EIF2B5: variants seen among roughly 807,000 people sequenced by gnomAD.
EIF2B5 encodes the protein translation initiation factor eIF2B subunit epsilon.
A neutral mutation model predicts 87.3 loss-of-function variants in EIF2B5; 38 were observed. The ratio of observed to expected loss-of-function variants is 0.44; its 90% CI spans 0.34 to 0.57. The LOEUF is 0.57. Ranked by LOEUF, EIF2B5 falls within the 20% of genes least tolerant of loss-of-function variation. EIF2B5 has a pLI of 0.02. For missense variants in EIF2B5, 784 were observed against 909.5 expected, an observed-to-expected ratio of 0.86 and a Z score of 1.78; for synonymous variants, 313 against 339.6, an observed-to-expected ratio of 0.92 and a Z score of 0.86.
chr3:184,140,291 G>C, intron 6 of EIF2B5, 127 bp from the exon 7 acceptor site: 3 of 1,399,754 alleles, frequency 2.1e-6, no homozygotes, highest in Non-Finnish European at 3.0e-6. Context: ...AGGAGGAACA[G>C]TACACAAAGA....
At position 184,142,017 on chromosome 3, in the gene EIF2B5, G is replaced by A; in HGVS notation, c.1249G>A (p.Ala417Thr). ...CCATCAGTCTCTGCTTTGTGACAAT[G>A]CTGAGGTCAAGGAACGAGTGACACT... ...QIHQSLLCDNAEVKERVTLKP... is the reference protein window; with the variant it reads ...QIHQSLLCDNTEVKERVTLKP... The change falls in exon 8 of 16, where the codon GCT becomes ACT. Residue 417 changes from alanine (A) to threonine (T), a missense_variant. Around this residue, in one of 3 missense-constraint regions of EIF2B5, gnomAD observed 660 missense variants for 789.5 expected, o/e 0.84. Transcript: ENST00000648915. The surrounding 1 kb of genome is among the most constrained non-coding windows in gnomAD (Gnocchi z 5.0). 6.2e-7 allele frequency: 1 copy of A among 1,614,144 alleles called. No individual in the cohort carries two copies. Among genetic ancestry groups the A allele is most frequent in the Non-Finnish European group, 8.5e-7 (1 of 1,180,024 alleles).
intron 13 of EIF2B5, chr3:184,143,782 A>T (rs1309796466): frequency 1.4e-6 from 1 of 704,288 alleles, no homozygotes; most frequent in African/African-American, 1.8e-5. Context: ...ATACCATCCT[A>T]GGCCCACAAA....
intron 6 of EIF2B5, 116 bp downstream of exon 6, chr3:184,140,273 C>A (rs1001303286): frequency 5.2e-5 from 72 of 1,394,386 alleles, no homozygotes; most frequent in Non-Finnish European, 6.6e-5. Flanking sequence ...GGAGGAAAAG[C>A]AGGGGACAGG....
At position 184,141,929 on chromosome 3, in the gene EIF2B5, T is replaced by TA; in HGVS notation, c.1163dup (p.Asn388LysfsTer28). 1 of 1,614,062 alleles carries TA rather than the reference T, an allele frequency of 6.2e-7. No individual in the cohort carries two copies. Among genetic ancestry groups the TA allele is most frequent in the Non-Finnish European group, 8.5e-7 (1 of 1,179,990 alleles). ...GGTCTTCCCATCCTGAGCCAGGTGATAACGTGGTGCTGGACCAGACCTACC... is the reference window on the plus strand; with the variant it reads ...GGTCTTCCCATCCTGAGCCAGGTGATAAACGTGGTGCTGGACCAGACCTACC... On this transcript the variant is annotated frameshift_variant, in exon 8 of 16. Coordinates refer to ENST00000648915, the MANE Select transcript of EIF2B5 (RefSeq NM_003907.3). LOFTEE classifies it high-confidence loss of function.
At position 184,142,015 on chromosome 3, in the gene EIF2B5, A is replaced by G; in HGVS notation, c.1247A>G (p.Asn416Ser). 6.2e-7 allele frequency: 1 copy of G among 1,614,126 alleles called. No homozygotes were observed. The highest frequency in any genetic ancestry group is 8.5e-7 in the Non-Finnish European group (1 of 1,180,024). ...AQIHQSLLCD[N>S]AEVKERVTLK... is the part of the protein sequence containing the mutation. ...ATCCATCAGTCTCTGCTTTGTGACAATGCTGAGGTCAAGGAACGAGTGACA... is the reference window on the plus strand; with the variant it reads ...ATCCATCAGTCTCTGCTTTGTGACAGTGCTGAGGTCAAGGAACGAGTGACA... The change falls in exon 8 of 16, where the codon AAT becomes AGT. Residue 416 changes from asparagine (N) to serine (S), a missense_variant. Physicochemically the swap from Asn to Ser is conservative, Grantham distance 46. Coordinates refer to ENST00000648915, the MANE Select transcript of EIF2B5 (RefSeq NM_003907.3). This position sits in a 1 kb window ranked among gnomAD's most constrained non-coding sequence, Gnocchi z 5.0.
intron 1 of EIF2B5, 118 bp downstream of exon 1, chr3:184,135,698 C>T: frequency 8.0e-6 from 11 of 1,382,358 alleles, no homozygotes; most frequent in Non-Finnish European, 1.1e-5. Flanking sequence ...ATGCTGTTAT[C>T]CTAAAACCGG....
Position 184,144,982 on chromosome 3 carries a change from C to G in EIF2B5, c.*39C>G, listed in dbSNP as rs970355098. 6.3e-7 allele frequency: 1 copy of G among 1,593,384 alleles called. No individual in the cohort carries two copies. The highest frequency in any genetic ancestry group is 8.6e-7 in the Non-Finnish European group (1 of 1,163,650). ...GCTCCTTTGGGTGTGATTGAGTGCCCTCCTGGCTCCTGGGCTGGGACAAGT... is the reference window on the plus strand; with the variant it reads ...GCTCCTTTGGGTGTGATTGAGTGCCGTCCTGGCTCCTGGGCTGGGACAAGT... On this transcript the variant is annotated 3_prime_UTR_variant, in exon 16 of 16. Transcript: ENST00000648915.
At position 184,135,584 on chromosome 3, in the gene EIF2B5, A is replaced by G. The variant is rs749342123; in HGVS notation, c.195+4A>G. On this transcript the variant is annotated splice_donor_region_variant and intron_variant, in intron 1 of 15. Transcript: ENST00000648915. The stretch of plus-strand genomic sequence containing the variant: ...CATCTCCAAGGACCAGCCTCGGGTG[A>G]GCGCCGCGCACGCGAGCAGCCAGAG... 1 of 1,581,948 alleles carries G rather than the reference A, an allele frequency of 6.3e-7. No individual in the cohort carries two copies. Among genetic ancestry groups the G allele is most frequent in the Non-Finnish European group, 8.6e-7 (1 of 1,165,460 alleles).
Position 184,144,079 on chromosome 3 carries a change from C to T in EIF2B5, c.1870-20C>T. On this transcript the variant is annotated intron_variant, in intron 13 of 15. Transcript: ENST00000648915. ...GTGAATGCTTAGGAATATACTGCAG[C>T]TCCCTTCTTTCTTCCATAGCTGCTA... The T allele has an allele frequency of 6.2e-7, 1 of 1,614,216 alleles. No homozygotes were observed. Among genetic ancestry groups the T allele is most frequent in the Non-Finnish European group, 8.5e-7 (1 of 1,180,034 alleles).
chr3:184,136,825 G>A, intron 2 of EIF2B5, 89 bp downstream of exon 2: 1 of 1,565,186 alleles, frequency 6.4e-7, no homozygotes. Context: ...TGTGAGAGGG[G>A]AAAAATGTGT....
At chr3:184,137,023 A>G (rs538163684) in intron 2 of EIF2B5, 21 of 433,746 alleles carry the variant, frequency 4.8e-5, no homozygotes, top group Non-Finnish European at 7.6e-5. Context: ...TGGCTTCAGT[A>G]TGGAAGTTAC....
intron 1 of EIF2B5, chr3:184,135,845 C>A (rs1277139818): frequency 1.8e-6 from 1 of 563,684 alleles, no homozygotes; most frequent in Non-Finnish European, 3.1e-6. Flanking sequence ...TTGAGAGAAG[C>A]CTTCACGCGG....
rs747307470 is a variant in EIF2B5, at chr3:184,140,582, T to G, written c.1008T>G (p.Thr336=). The change falls in exon 7 of 16, where the codon ACT becomes ACG. Residue 336 remains threonine (T), a synonymous_variant. Transcript: ENST00000648915. ...NFTDSTTQSC[T]HSRHNIYRGP... ...CTGACAGCACCACCCAGAGCTGCAC[T>G]CATTCCCGGCACAACATCTACCGAG... 6 of 1,614,134 alleles carry G rather than the reference T, an allele frequency of 3.7e-6. No individual in the cohort carries two copies. The highest frequency in any genetic ancestry group is 4.2e-6 in the Non-Finnish European group (5 of 1,180,014).
intron 14 of EIF2B5, 77 bp from the exon 15 acceptor site, chr3:184,144,520 A>G (rs1278894721): frequency 2.3e-6 from 3 of 1,312,452 alleles, no homozygotes; most frequent in Non-Finnish European, 1.1e-6. Flanking sequence ...CAGTGCATAG[A>G]GGGATCTGAG....
At position 184,143,479 on chromosome 3, in the gene EIF2B5, G is replaced by A. The variant is rs1024314132; in HGVS notation, c.1783G>A (p.Val595Ile). Reference sequence around the variant, plus strand: ...CATAAGTCTAAAGGAGGTGATGCAGGTACTGAGCCACGTGGTCCTGGAGTT... The same window carrying A: ...CATAAGTCTAAAGGAGGTGATGCAGATACTGAGCCACGTGGTCCTGGAGTT... ...YNISLKEVMQ[V>I]LSHVVLEFPL... Residue 595 changes from valine to isoleucine, a missense_variant, in exon 13 of 16, where the codon GTA becomes ATA. Val to Ile is a conservative substitution (Grantham distance 29, BLOSUM62 3). Around this residue, in one of 3 missense-constraint regions of EIF2B5, gnomAD observed 660 missense variants for 789.5 expected, o/e 0.84. Transcript: ENST00000648915. The A allele has an allele frequency of 6.2e-7, 1 of 1,614,044 alleles. No homozygotes were observed. The highest frequency in any genetic ancestry group is 1.3e-5 in the African/African-American group (1 of 74,908).
intron 1 of EIF2B5, chr3:184,135,999 T>C (rs1258406697): frequency 4.3e-6 from 1 of 231,402 alleles, no homozygotes; most frequent in Non-Finnish European, 8.7e-6. Context: ...AGTGTATTTT[T>C]TTTTTCCTTC....
In EIF2B5 at chr3:184,135,557, C is replaced by T. The variant is rs1382730855; in HGVS notation, c.172C>T (p.Pro58Ser). Residue 58 changes from proline to serine, a missense_variant, in exon 1 of 16, where the codon CCC becomes TCC. Coordinates refer to ENST00000648915, the MANE Select transcript of EIF2B5 (RefSeq NM_003907.3). ...CGATAGCTTCGATCGCCGCTTCTTCCCCATCTCCAAGGACCAGCCTCGGGT... is the reference window on the plus strand; with the variant it reads ...CGATAGCTTCGATCGCCGCTTCTTCTCCATCTCCAAGGACCAGCCTCGGGT... Reference protein sequence around the residue: ...VADSFDRRFFPISKDQPRVLL... With the variant: ...VADSFDRRFFSISKDQPRVLL... 4.4e-6 allele frequency: 7 copies of T among 1,590,838 alleles called. No homozygotes were observed. The highest frequency in any genetic ancestry group is 2.3e-5 in the South Asian group (2 of 87,696).
In EIF2B5 at chr3:184,140,445, G is replaced by T; in HGVS notation, c.871G>T (p.Val291Leu). The change falls in exon 7 of 16, where the codon GTA (valine) becomes TTA (leucine). Residue 291 changes from valine (V) to leucine (L), a missense_variant. Transcript: ENST00000648915. ...CCTAGGGAACCAGATCCACATGCAC[G>T]TAACAGCTAAGGAATATGGTGCCCG... ...EILGNQIHMH[V>L]TAKEYGARVS... 8.1e-6 allele frequency: 13 copies of T among 1,614,018 alleles called. No homozygotes were observed. Among genetic ancestry groups the T allele is most frequent in the Non-Finnish European group, 1.1e-5 (13 of 1,180,002 alleles).
chr3:184,144,776 G>C, intron 15 of EIF2B5, 69 bp downstream of exon 15: 2 of 1,585,068 alleles, frequency 1.3e-6, no homozygotes, highest in Admixed American at 1.8e-5. Context: ...CTAGACTCTA[G>C]GGTGGTTGGT....
Sources: allele counts gnomAD v4.1 joint callset, GRCh38; gene constraint gnomAD v4.1.1; regional missense constraint gnomAD v4.1.1; non-coding constraint Gnocchi (gnomAD v3.1); transcripts MANE v1.5; gene names NCBI Gene and HGNC (gene_info 2026-07-23, HGNC 2026-07-21).